The following RAD54L2 variants were observed in gnomAD, a reference collection of about 807,000 sequenced individuals.
RAD54L2 encodes helicase ARIP4.
RAD54L2 carries 27 observed loss-of-function variants against 138.4 expected under a neutral mutation model. That is an observed-to-expected ratio of 0.20 (90% CI 0.14 to 0.27). The LOEUF (loss-of-function observed/expected upper bound fraction) is 0.27, where lower values mean the gene tolerates loss of function less well. RAD54L2 is among the 10% of genes least tolerant of loss of function. The pLI is 1.00. For synonymous variants in RAD54L2, 644 were observed against 723.2 expected (o/e 0.89, Z 1.76); for missense variants, 1,396 against 1,890.2 (o/e 0.74, Z 4.85).
At chr3:51,659,182 T>G (rs1362146685) in intron 21 of RAD54L2, among the ~76,000 whole-genome samples, 1 of 144,212 alleles carries the variant, frequency 6.9e-6, no homozygotes, top group East Asian at 2.1e-4. Flanking sequence ...CTCGGCTCAC[T>G]GTGAGCTCCA....
At position 51,653,792 on chromosome 3, in the gene RAD54L2, G is replaced by T. The variant is rs541426375; in HGVS notation, c.3027-2179G>T. Among the ~76,000 whole-genome samples the T allele has an allele frequency of 2.0e-5, 3 of 152,274 alleles. No individual in the cohort carries two copies. In the South Asian group the frequency reaches 6.2e-4, roughly 32 times the overall value. ...ACTGGGGCCTGGCATGGTGTGGGGGGATGGGGGAGGGATAGCATTAGGAGA... is the reference window on the plus strand; with the variant it reads ...ACTGGGGCCTGGCATGGTGTGGGGGTATGGGGGAGGGATAGCATTAGGAGA... On this transcript the variant is annotated intron_variant, in intron 19 of 22. Coordinates refer to ENST00000684192, the MANE Select transcript of RAD54L2 (RefSeq NM_015106.4).
chr3:51,656,148 G>A lies in RAD54L2; in HGVS notation c.3204G>A (p.Val1068=). 1 of 1,611,418 alleles carries A rather than the reference G, an allele frequency of 6.2e-7. No individual in the cohort carries two copies. Among genetic ancestry groups the A allele is most frequent in the Non-Finnish European group, 8.5e-7 (1 of 1,177,818 alleles). Residue 1068 remains valine, a synonymous_variant, in exon 20 of 23, where the codon GTG becomes GTA. Transcript: ENST00000684192. ...ACTTGCAGCGTGCAGGAGTCCTTGT[G>A]CAGAAGGTGGTCACCACGACAGGTG... ...INYLQRAGVL[V]QKVVTTTDIV...
In RAD54L2 at chr3:51,629,460, G is replaced by T. The variant is rs1166626974; in HGVS notation, c.468G>T (p.Leu156=). 4.3e-6 allele frequency: 7 copies of T among 1,612,636 alleles called. No individual in the cohort carries two copies. Among genetic ancestry groups the T allele is most frequent in the Non-Finnish European group, 5.9e-6 (7 of 1,179,426 alleles). ...CAGCCCCTATTCCTACTGTTCCGCT[G>T]GAGTTCCTCCCTGGTAAGCAGTGGA... ...DYAAPIPTVP[L]EFLPEEIALR... The change falls in exon 5 of 23, where the codon CTG becomes CTT. Residue 156 remains leucine (L), a synonymous_variant. Transcript: ENST00000684192.
chr3:51,614,328 ATTTT>A (rs1005627186), intron 3 of RAD54L2, among the ~76,000 whole-genome samples: 2 of 151,020 alleles, frequency 1.3e-5, no homozygotes, highest in Admixed American at 6.6e-5. Context: ...TGCCCAGCTA[ATTTT>A]TTTTTATTTT....
intron 22 of RAD54L2, 115 bp downstream of exon 22, chr3:51,660,233 AGT>A: frequency 1.3e-6 from 1 of 749,568 alleles, no homozygotes; most frequent in Non-Finnish European, 2.2e-6. Flanking sequence ...CACAATTCAG[AGT>A]GTACAGAAAG....
rs1054081601 is a variant in RAD54L2 at position 51,637,961 on chromosome 3, T to G, written c.1683-183T>G. Among the ~76,000 whole-genome samples the G allele has an allele frequency of 5.0e-4, 76 of 152,180 alleles. No individual in the cohort carries two copies. Among genetic ancestry groups the G allele is most frequent in the Admixed American group, 1.3e-4 (2 of 15,284 alleles). ...GGTCACTCTGCCTCTTAGTGTTAGT[T>G]TTCATCCTTAAGGTGAGTTTCTTCT... On this transcript the variant is annotated intron_variant, in intron 11 of 22. Coordinates refer to ENST00000684192, the MANE Select transcript of RAD54L2 (RefSeq NM_015106.4). The surrounding 1 kb of genome is among the most constrained non-coding windows in gnomAD (Gnocchi z 5.9).
intron 22 of RAD54L2, 28 bp downstream of exon 22, chr3:51,660,146 C>T (rs1701725669): frequency 6.5e-7 from 1 of 1,547,612 alleles, no homozygotes; most frequent in East Asian, 2.3e-5. Context: ...TTCCATTTTA[C>T]TTTTCAAACA....
At chr3:51,545,208 T>C (rs1698655183) in intron 2 of RAD54L2, among the ~76,000 whole-genome samples, 2 of 151,586 alleles carry the variant, frequency 1.3e-5, no homozygotes, top group African/African-American at 2.4e-5. Flanking sequence ...TGTTTTGTTT[T>C]TGAGACGGAG....
At chr3:51,654,905 C>T (rs1701557619) in intron 19 of RAD54L2, among the ~76,000 whole-genome samples, 1 of 152,088 alleles carries the variant, frequency 6.6e-6, no homozygotes, top group South Asian at 2.1e-4. Context: ...AGTCTTAGCC[C>T]CTGCAGGGTA....
Position 51,630,246 on chromosome 3 carries a change from G to A in RAD54L2, c.482-26G>A, listed in dbSNP as rs547143133. ...TAGAGCCAAATGTGGTCTTGACACC[G>A]TTCCCTTCCATTTTGCTTTTCCTAG... On this transcript the variant is annotated intron_variant, in intron 5 of 22. Coordinates refer to ENST00000684192, the MANE Select transcript of RAD54L2 (RefSeq NM_015106.4). 6.9e-5 allele frequency: 109 copies of A among 1,583,562 alleles called. No individual in the cohort carries two copies. The South Asian group carries it at 8.7e-4, about 13-fold the overall frequency.
At position 51,637,554 on chromosome 3, in the gene RAD54L2, C is replaced by A; in HGVS notation, c.1682+51C>A. 1.3e-6 allele frequency: 2 copies of A among 1,528,918 alleles called. No individual in the cohort carries two copies. Among genetic ancestry groups the A allele is most frequent in the Non-Finnish European group, 1.8e-6 (2 of 1,127,482 alleles). 94.7% of individuals were successfully genotyped at this position (1,528,918 alleles called of 1,614,324 possible). ...CCTGAATTTTCAGAGGGCCCTGTTG[C>A]CAAGGGCATGCCAAACCTGTTATAC... is the stretch of plus-strand genomic sequence containing the variant. On this transcript the variant is annotated intron_variant, in intron 11 of 22. Coordinates refer to ENST00000684192, the MANE Select transcript of RAD54L2 (RefSeq NM_015106.4). This position sits in a 1 kb window ranked among gnomAD's most constrained non-coding sequence, Gnocchi z 5.9.
chr3:51,597,804 G>C (rs2106727415), intron 3 of RAD54L2, among the ~76,000 whole-genome samples: 1 of 152,120 alleles, frequency 6.6e-6, no homozygotes, highest in Non-Finnish European at 1.5e-5. Context: ...CTCCAGCCTG[G>C]GTGACAGAAT....
intron 7 of RAD54L2, among the ~76,000 whole-genome samples, 200 bp from the exon 8 acceptor site, chr3:51,633,377 A>G (rs1700896885): frequency 6.6e-6 from 1 of 152,226 alleles, no homozygotes; most frequent in African/African-American, 2.4e-5. Flanking sequence ...GTACTAGTGA[A>G]TCCTTTTCTG....
intron 3 of RAD54L2, among the ~76,000 whole-genome samples, chr3:51,618,655 A>G (rs1700501034): frequency 6.6e-6 from 1 of 152,210 alleles, no homozygotes; most frequent in Non-Finnish European, 1.5e-5. Context: ...CCACATCCAT[A>G]TGTCAATTTG....
At chr3:51,641,974 A>G in intron 15 of RAD54L2, 107 bp downstream of exon 15, 1 of 795,918 alleles carries the variant, frequency 1.3e-6, no homozygotes, top group Non-Finnish European at 2.0e-6. Context: ...GCATAGGAAT[A>G]TTTGTGATTA....
chr3:51,642,977 A>G (rs1701177060), intron 15 of RAD54L2, among the ~76,000 whole-genome samples: 1 of 148,950 alleles, frequency 6.7e-6, no homozygotes, highest in Non-Finnish European at 1.5e-5. Context: ...TAGCTTTACC[A>G]TTTACTCAAG....
chr3:51,630,750 TG>T lies in RAD54L2; in HGVS notation c.646del (p.Asp216ThrfsTer24). Reference protein sequence around the residue: ...SSGEEDTLHIVDSSESVSEDD... With the variant: ...SSGEEDTLHIXDSSESVSEDD... Reference sequence around the variant, plus strand: ...GGAGAGGAGGACACTCTGCACATTGTGGACAGCAGTGAATCTGTCAGTGAAG... The same window carrying T: ...GGAGAGGAGGACACTCTGCACATTGTGACAGCAGTGAATCTGTCAGTGAAG... On this transcript the variant is annotated frameshift_variant, in exon 7 of 23. Coordinates refer to ENST00000684192, the MANE Select transcript of RAD54L2 (RefSeq NM_015106.4). LOFTEE classifies it high-confidence loss of function. The T allele has an allele frequency of 6.2e-7, 1 of 1,614,040 alleles. No homozygotes were observed. Among genetic ancestry groups the T allele is most frequent in the Non-Finnish European group, 8.5e-7 (1 of 1,179,886 alleles).
At position 51,662,395 on chromosome 3, in the gene RAD54L2, T is replaced by G. The variant is rs1310531098; in HGVS notation, c.3410-31T>G. The stretch of plus-strand genomic sequence containing the variant: ...ACCCTTCTTCTCTCCCTGGCCACTC[T>G]GATTCTCAGTTAACTACATTTTGTC... On this transcript the variant is annotated intron_variant, in intron 22 of 22. Coordinates refer to ENST00000684192, the MANE Select transcript of RAD54L2 (RefSeq NM_015106.4). This position sits in a 1 kb window ranked among gnomAD's most constrained non-coding sequence, Gnocchi z 4.6. 3 of 1,486,642 alleles carry G rather than the reference T, an allele frequency of 2.0e-6. No homozygotes were observed. The African/African-American group carries it at 4.2e-5, about 21-fold the overall frequency. The allele number at this position is 1,486,642 out of a possible 1,614,324, so 92.1% of individuals were successfully genotyped here. A position where few individuals can be genotyped will look rare whatever the true frequency, so the allele number is the denominator to read the frequency against.
intron 19 of RAD54L2, among the ~76,000 whole-genome samples, chr3:51,649,690 C>G (rs1306990609): frequency 6.6e-6 from 1 of 152,122 alleles, no homozygotes; most frequent in East Asian, 1.9e-4. Context: ...TCATATCCAG[C>G]CAAACTAAGC....
Sources: allele counts gnomAD v4.1 joint callset (sites outside exome capture counted in the v4.1 genomes callset), GRCh38; gene constraint gnomAD v4.1.1; non-coding constraint Gnocchi (gnomAD v3.1); transcripts MANE v1.5; gene names NCBI Gene and HGNC (gene_info 2026-07-23, HGNC 2026-07-21).